The following TMCC1 variants were observed in gnomAD, a reference collection of about 807,000 sequenced individuals.
TMCC1 encodes the protein transmembrane and coiled-coil domain family 1.
Under a neutral mutation model 52.4 loss-of-function variants are expected in TMCC1, and 15 were observed. That is an observed-to-expected ratio of 0.29 (90% CI 0.19 to 0.44). TMCC1 has a LOEUF of 0.44. Ranked by LOEUF, TMCC1 falls within the 20% of genes least tolerant of loss-of-function variation. The pLI is 1.00. For synonymous variants in TMCC1, 279 were observed against 301.9 expected (o/e 0.92, Z 0.79); for missense variants, 503 against 806.0 (o/e 0.62, Z 4.55).
chr3:129,855,765 A>G (rs977779849), intron 2 of TMCC1, among the ~76,000 whole-genome samples: 3 of 152,228 alleles, frequency 2.0e-5, no homozygotes, highest in Admixed American at 2.0e-4. Flanking sequence ...TGGTAAGCAA[A>G]CAGTTCTCAG....
chr3:129,868,932 T>C (rs1235424015), intron 2 of TMCC1: 4 of 152,374 alleles, frequency 2.6e-5, no homozygotes, highest in Admixed American at 1.3e-4. Context: ...TAGTGTGCTA[T>C]AAGAAACATA....
intron 4 of TMCC1, among the ~76,000 whole-genome samples, chr3:129,757,005 C>T (rs1403739314): frequency 6.6e-6 from 1 of 152,204 alleles, no homozygotes; most frequent in Non-Finnish European, 1.5e-5. Flanking sequence ...GCCTCTCACC[C>T]TTGGCATAGT....
chr3:129,843,563 T>C (rs866349502), intron 2 of TMCC1, among the ~76,000 whole-genome samples: 2 of 151,988 alleles, frequency 1.3e-5, no homozygotes, highest in Non-Finnish European at 2.9e-5. Flanking sequence ...ACTGATCCAA[T>C]AGATGTTAAA....
At chr3:129,726,335 A>G (rs891813366) in intron 4 of TMCC1, among the ~76,000 whole-genome samples, 3 of 152,186 alleles carry the variant, frequency 2.0e-5, no homozygotes, top group Non-Finnish European at 4.4e-5. Context: ...CTTGCCCTCT[A>G]CTGACTTTTG....
At chr3:129,853,467 TA>T (rs2060006152) in intron 2 of TMCC1, among the ~76,000 whole-genome samples, 1 of 150,774 alleles carries the variant, frequency 6.6e-6, no homozygotes, top group Non-Finnish European at 1.5e-5. Flanking sequence ...CACAAAAAAA[TA>T]AACTTAAAAA....
chr3:129,834,059 T>C (rs1189903351), intron 2 of TMCC1, among the ~76,000 whole-genome samples: 1 of 151,874 alleles, frequency 6.6e-6, no homozygotes. Context: ...ACTAAACAAG[T>C]GGTGAAGTGT....
At chr3:129,809,485 C>A (rs1229362277) in intron 4 of TMCC1, among the ~76,000 whole-genome samples, 4 of 152,108 alleles carry the variant, frequency 2.6e-5, no homozygotes, top group Non-Finnish European at 4.4e-5. Context: ...GTTCCTGTAG[C>A]TTACTGTTGG....
chr3:129,709,707 T>C (rs1479240840), intron 4 of TMCC1, among the ~76,000 whole-genome samples: 1 of 152,020 alleles, frequency 6.6e-6, no homozygotes, highest in Admixed American at 6.6e-5. Context: ...GAATACATAC[T>C]GACTTCTGCT....
intron 2 of TMCC1, among the ~76,000 whole-genome samples, chr3:129,876,201 T>G (rs528605322): frequency 6.6e-6 from 1 of 151,462 alleles, no homozygotes; most frequent in African/African-American, 2.4e-5. Flanking sequence ...CTTTTGATAA[T>G]TGCTATGTTG....
intron 4 of TMCC1, chr3:129,688,769 G>C (rs1304513612): frequency 1.0e-6 from 1 of 982,592 alleles, no homozygotes; most frequent in African/African-American, 1.7e-5. Flanking sequence ...ATCACAGACA[G>C]TATCTGCCTC....
intron 5 of TMCC1, among the ~76,000 whole-genome samples, chr3:129,659,343 C>A (rs1358830982): frequency 1.3e-5 from 2 of 151,952 alleles, no homozygotes; most frequent in Non-Finnish European, 2.9e-5. Flanking sequence ...AATCCTCCTG[C>A]CTCAGCTTCC....
chr3:129,724,175 G>A (rs2049892198), intron 4 of TMCC1, among the ~76,000 whole-genome samples: 2 of 152,094 alleles, frequency 1.3e-5, no homozygotes, highest in African/African-American at 2.4e-5. Context: ...GTTGGCAGCT[G>A]TACAGAATGC....
intron 4 of TMCC1, among the ~76,000 whole-genome samples, chr3:129,712,562 C>A (rs2048779242): frequency 6.6e-6 from 1 of 152,160 alleles, no homozygotes; most frequent in South Asian, 2.1e-4. Flanking sequence ...ATCCTCCCAC[C>A]TCAGCCTCCC....
chr3:129,677,098 T>TAA (rs550686592), intron 4 of TMCC1, among the ~76,000 whole-genome samples: 14 of 141,116 alleles, frequency 9.9e-5, no homozygotes, highest in South Asian at 2.3e-4. Context: ...ACCCTGTCTC[T>TAA]AAAAAAAAAA....
chr3:129,676,801 C>T (rs2088490119), intron 4 of TMCC1, among the ~76,000 whole-genome samples: 1 of 152,138 alleles, frequency 6.6e-6, no homozygotes. Flanking sequence ...CTCATCTATA[C>T]AACAGGGTTA....
intron 4 of TMCC1, among the ~76,000 whole-genome samples, chr3:129,702,862 A>G (rs1387920881): frequency 6.6e-6 from 1 of 152,114 alleles, no homozygotes; most frequent in Non-Finnish European, 1.5e-5. Flanking sequence ...CTAAAAATAC[A>G]AAAATTAGCT....
intron 4 of TMCC1, among the ~76,000 whole-genome samples, chr3:129,695,216 A>C (rs1446629653): frequency 2.6e-5 from 4 of 151,848 alleles, no homozygotes; most frequent in Non-Finnish European, 1.5e-5. Context: ...CAAAATGGTA[A>C]AAGATTTTGA....
rs1241222354 is a variant in TMCC1 at position 129,763,215 on chromosome 3, T to TA, written c.576+64587dup. Reference sequence around the variant, plus strand: ...TCTGTCTCAAAAAATAAAAAATAAATAAATAAATAAATAAATAAATAAATA... The same window carrying TA: ...TCTGTCTCAAAAAATAAAAAATAAATAAAATAAATAAATAAATAAATAAATA... On this transcript the variant is annotated intron_variant, in intron 4 of 6. Coordinates refer to ENST00000393238, the MANE Select transcript of TMCC1 (RefSeq NM_001017395.5). Among the ~76,000 whole-genome samples, 124 of 87,204 alleles carry TA rather than the reference T, an allele frequency of 1.4e-3. 1 individual carries two copies. The highest frequency in any genetic ancestry group is 2.0e-3 in the Non-Finnish European group (87 of 43,716). 57.2% of individuals were successfully genotyped at this position (87,204 alleles called of 152,430 possible).
At chr3:129,677,272 C>T (rs776803761) in intron 4 of TMCC1, among the ~76,000 whole-genome samples, 2 of 151,960 alleles carry the variant, frequency 1.3e-5, no homozygotes, top group Non-Finnish European at 2.9e-5. Flanking sequence ...AGAATAGTGA[C>T]TCAGGCTATA....
Sources: allele counts gnomAD v4.1 joint callset (sites outside exome capture counted in the v4.1 genomes callset), GRCh38; gene constraint gnomAD v4.1.1; transcripts MANE v1.5; gene names NCBI Gene and HGNC (gene_info 2026-07-23, HGNC 2026-07-21).